The following PTK2 variants were observed in gnomAD, a reference collection of about 807,000 sequenced individuals.
The protein encoded by PTK2 is protein tyrosine kinase 2.
A neutral mutation model predicts 150.1 loss-of-function variants in PTK2; 45 were observed. The observed-to-expected ratio is 0.30, with a 90% CI of 0.24 to 0.38. PTK2 has a LOEUF of 0.38. PTK2 is among the 10% of genes least tolerant of loss of function. The pLI is 1.00. For synonymous variants in PTK2, 432 were observed against 449.2 expected (o/e 0.96, Z 0.48); for missense variants, 919 against 1,307.3 (o/e 0.70, Z 4.58).
At chr8:140,923,091 C>T (rs760944841) in intron 2 of PTK2, among the ~76,000 whole-genome samples, 1 of 152,168 alleles carries the variant, frequency 6.6e-6, no homozygotes, top group Non-Finnish European at 1.5e-5. Context: ...TCTCCTACCC[C>T]TGCAACTACT....
At chr8:140,864,182 C>T in intron 5 of PTK2, 130 bp downstream of exon 5, 1 of 490,056 alleles carries the variant, frequency 2.0e-6, no homozygotes, top group Non-Finnish European at 3.6e-6. Flanking sequence ...TTAAAAGATT[C>T]TTATTGCCAT....
At chr8:140,739,271 G>A (rs1209271708) in intron 20 of PTK2, among the ~76,000 whole-genome samples, 164 bp from the exon 24 acceptor site, 2 of 152,142 alleles carry the variant, frequency 1.3e-5, no homozygotes, top group Non-Finnish European at 2.9e-5. Context: ...GGTGTTTCGA[G>A]GTCACTTAGG....
chr8:140,974,495 G>A (rs566658716), intron 1 of PTK2, among the ~76,000 whole-genome samples: 66 of 152,224 alleles, frequency 4.3e-4, no homozygotes, highest in South Asian at 2.9e-3. Flanking sequence ...TCTGTCTTTC[G>A]GAAAGGAGGA....
intron 24 of PTK2, among the ~76,000 whole-genome samples, chr8:140,703,790 T>C (rs2100032132): frequency 6.6e-6 from 1 of 152,202 alleles, no homozygotes; most frequent in South Asian, 2.1e-4. Flanking sequence ...CTTTACATGG[T>C]TCCTTCTCTC....
intron 5 of PTK2, among the ~76,000 whole-genome samples, chr8:140,860,693 C>T (rs983412926): frequency 6.6e-6 from 1 of 152,282 alleles, no homozygotes; most frequent in Admixed American, 6.5e-5. Context: ...AGGCTGGTCT[C>T]GAACTCCTGA....
intron 12 of PTK2, among the ~76,000 whole-genome samples, chr8:140,794,352 G>A (rs149106866): frequency 1.4e-3 from 211 of 152,228 alleles, no homozygotes; most frequent in Non-Finnish European, 2.4e-3. Flanking sequence ...GGTGGTATGG[G>A]AGGCTGAGGA....
At chr8:140,931,738 C>T (rs1482955601) in intron 1 of PTK2, among the ~76,000 whole-genome samples, 1 of 151,782 alleles carries the variant, frequency 6.6e-6, no homozygotes, top group East Asian at 1.9e-4. Context: ...AGTTCGAGAC[C>T]AGCCTAGGCA....
intron 14 of PTK2, among the ~76,000 whole-genome samples, chr8:140,778,043 C>T (rs981952572): frequency 7.2e-5 from 11 of 152,228 alleles, no homozygotes; most frequent in African/African-American, 2.7e-4. Flanking sequence ...GGAATGAGAT[C>T]TTTCCCCTTT....
At chr8:140,680,449 C>T (rs1465649547) in intron 27 of PTK2, among the ~76,000 whole-genome samples, 4 of 152,024 alleles carry the variant, frequency 2.6e-5, no homozygotes, top group African/African-American at 4.8e-5. Flanking sequence ...AGGCTGGTCT[C>T]GAACTCCTGA....
chr8:140,761,800 G>A (rs2100069583), intron 15 of PTK2, among the ~76,000 whole-genome samples: 2 of 152,044 alleles, frequency 1.3e-5, no homozygotes, highest in African/African-American at 2.4e-5. Flanking sequence ...AGCTAAAAGA[G>A]TTTAAAGAGG....
chr8:140,923,920 T>G (rs2100168463), intron 2 of PTK2, among the ~76,000 whole-genome samples: 1 of 152,178 alleles, frequency 6.6e-6, no homozygotes, highest in Non-Finnish European at 1.5e-5. Flanking sequence ...CTCACCGCCC[T>G]ACACTCTATT....
At chr8:140,785,774 AGTTT>A (rs1425243766) in intron 14 of PTK2, among the ~76,000 whole-genome samples, 9 of 152,226 alleles carry the variant, frequency 5.9e-5, no homozygotes, top group African/African-American at 2.2e-4. Flanking sequence ...ACACTGAATA[AGTTT>A]GTTTACCTTT....
At chr8:140,682,495 T>C (rs918322494) in intron 27 of PTK2, among the ~76,000 whole-genome samples, 2 of 151,862 alleles carry the variant, frequency 1.3e-5, no homozygotes, top group Non-Finnish European at 2.9e-5. Flanking sequence ...GATGTACATA[T>C]TTCTTTAGGT....
chr8:140,974,526 C>T (rs2100188556), intron 1 of PTK2, among the ~76,000 whole-genome samples: 1 of 152,134 alleles, frequency 6.6e-6, no homozygotes, highest in African/African-American at 2.4e-5. Context: ...AAAAACATTC[C>T]AATTGCTGGT....
At chr8:140,762,451 A>G in intron 15 of PTK2, 63 bp from the exon 18 acceptor site, 1 of 853,050 alleles carries the variant, frequency 1.2e-6, no homozygotes, top group South Asian at 2.4e-5. Flanking sequence ...AACAGCAATT[A>G]GGTTAACAAC....
Position 140,951,018 on chromosome 8 carries a change from A to G in PTK2, c.-121-25269T>C, listed in dbSNP as rs553138516. Among the ~76,000 whole-genome samples the G allele has an allele frequency of 4.6e-5, 7 of 152,186 alleles. No individual in the cohort carries two copies. In the East Asian group the frequency reaches 1.4e-3, roughly 29 times the overall value. On this transcript the variant is annotated intron_variant, in intron 1 of 31. Transcript: ENST00000522684. Reference sequence around the variant, plus strand: ...AACACTCCCAGAACCTCAGAGTCCAATCTATCTCAGCTGTGCTCATCTGCC... The same window carrying G: ...AACACTCCCAGAACCTCAGAGTCCAGTCTATCTCAGCTGTGCTCATCTGCC...
intron 24 of PTK2, among the ~76,000 whole-genome samples, chr8:140,704,380 C>A (rs1308576200): frequency 6.6e-6 from 1 of 152,148 alleles, no homozygotes; most frequent in Non-Finnish European, 1.5e-5. Context: ...CTCATTTTTA[C>A]ACACCGTTCT....
intron 8 of PTK2, among the ~76,000 whole-genome samples, chr8:140,822,771 T>C (rs1045645242): frequency 5.3e-5 from 8 of 152,184 alleles, no homozygotes; most frequent in East Asian, 1.9e-4. Flanking sequence ...GAAAAGAGTA[T>C]AGCCCGCAGC....
At chr8:140,942,438 C>T (rs1318226221) in intron 1 of PTK2, among the ~76,000 whole-genome samples, 1 of 152,108 alleles carries the variant, frequency 6.6e-6, no homozygotes, top group Non-Finnish European at 1.5e-5. Flanking sequence ...TCTCATTATA[C>T]AAAGACAAAT....
Sources: gnomAD v4.1 joint callset for allele counts (sites outside exome capture counted in the v4.1 genomes callset) on GRCh38, gnomAD v4.1.1 for gene constraint, MANE v1.5 for transcripts, NCBI Gene and HGNC (gene_info 2026-07-23, HGNC 2026-07-21) for gene names.